SCN11A: variants seen among roughly 807,000 people sequenced by gnomAD.
SCN11A encodes sodium voltage-gated channel alpha subunit 11, also known as sodium channel protein type 11 subunit alpha.
Under a neutral mutation model 162.2 loss-of-function variants are expected in SCN11A, and 122 were observed. That is an observed-to-expected ratio of 0.75 (90% CI 0.65 to 0.87). SCN11A has a LOEUF of 0.87. Ranked by LOEUF, SCN11A falls within the 40% of genes least tolerant of loss-of-function variation. The probability of loss-of-function intolerance (pLI) is 0.00; values close to 1 mark genes in which losing one functional copy is unlikely to be tolerated. For missense variants in SCN11A, 2,015 were observed against 2,181.6 expected (o/e 0.92, Z 1.52); for synonymous variants, 758 against 751.5 (o/e 1.01, Z -0.14).
chr3:38,935,833 A>G (rs1481549410), intron 7 of SCN11A, among the ~76,000 whole-genome samples: 1 of 152,214 alleles, frequency 6.6e-6, no homozygotes, highest in Admixed American at 6.5e-5. Context: ...TATTCCAATC[A>G]ATAGAAAAAG....
intron 2 of SCN11A, among the ~76,000 whole-genome samples, chr3:38,986,470 G>A (rs1434576254): frequency 2.0e-5 from 3 of 152,200 alleles, no homozygotes; most frequent in Non-Finnish European, 4.4e-5. Context: ...CTTACATACT[G>A]AGTGGCCCAC....
At chr3:38,915,202 A>G (rs2065942771) in intron 11 of SCN11A, among the ~76,000 whole-genome samples, 1 of 152,060 alleles carries the variant, frequency 6.6e-6, no homozygotes, top group South Asian at 2.1e-4. Context: ...CAGTCTTGGC[A>G]GGGTGTTTGT....
At chr3:38,903,808 A>G in intron 16 of SCN11A, 57 bp downstream of exon 16, 2 of 1,323,684 alleles carry the variant, frequency 1.5e-6, no homozygotes, top group Non-Finnish European at 1.0e-6. Context: ...AGACTTTGAA[A>G]AAGTTATACT....
At position 38,847,195 on chromosome 3, in the gene SCN11A, T is replaced by C; in HGVS notation, c.4875A>G (p.Ile1625Met). 6.2e-7 allele frequency: 1 copy of C among 1,614,138 alleles called. No individual in the cohort carries two copies. Among genetic ancestry groups the C allele is most frequent in the Non-Finnish European group, 8.5e-7 (1 of 1,179,996 alleles). The stretch of plus-strand genomic sequence containing the variant: ...CAAACTTTTCCCACACTTCATAAAA[T>C]ATGTCAAAGTCATCTTCACCCAAAG... ...EDPLGEDDFD[I>M]FYEVWEKFDP... The change falls in exon 30 of 30, where the codon ATA (isoleucine) becomes ATG (methionine). Residue 1625 changes from isoleucine to methionine, a missense_variant. Ile to Met is a conservative substitution (Grantham distance 10). Transcript: ENST00000302328.
At chr3:39,005,957 C>T (rs930018802) in intron 2 of SCN11A, among the ~76,000 whole-genome samples, 2 of 152,082 alleles carry the variant, frequency 1.3e-5, no homozygotes, top group Non-Finnish European at 2.9e-5. Flanking sequence ...ATTTCTAAAT[C>T]ATTATTTTTA....
chr3:39,034,771 T>C (rs1427104502), intron 1 of SCN11A, among the ~76,000 whole-genome samples: 2 of 152,102 alleles, frequency 1.3e-5, no homozygotes, highest in East Asian at 1.9e-4. Context: ...TTGCAGGATA[T>C]AAAAATCAAC....
At chr3:38,899,800 TA>T in intron 17 of SCN11A, 93 bp downstream of exon 17, 1 of 972,832 alleles carries the variant, frequency 1.0e-6, no homozygotes, top group Non-Finnish European at 1.5e-6. Context: ...TAAGATAAAT[TA>T]AAGTTTAGTA....
In SCN11A at chr3:38,897,279, T is replaced by C. The variant is rs193012754; in HGVS notation, c.2023-54A>G. ...GAAGAAAAGCCAGTTAAGGACAAAC[T>C]CCATCTGCTCATCTATAAAGCAAAT... On this transcript the variant is annotated intron_variant, in intron 17 of 29. Transcript: ENST00000302328. 841 of 1,522,974 alleles carry C rather than the reference T, an allele frequency of 5.5e-4. 2 individuals are homozygous for C. The African/African-American group carries it at 0.01, about 19-fold the overall frequency. The allele number at this position is 1,522,974 out of a possible 1,614,324, so 94.3% of individuals were successfully genotyped here.
intron 2 of SCN11A, among the ~76,000 whole-genome samples, chr3:39,004,596 T>C (rs1318581810): frequency 6.6e-6 from 1 of 152,242 alleles, no homozygotes; most frequent in Non-Finnish European, 1.5e-5. Context: ...GCATTGAATC[T>C]GTAAATTGCT....
chr3:38,966,626 C>A (rs1345260391), intron 2 of SCN11A, among the ~76,000 whole-genome samples: 1 of 152,152 alleles, frequency 6.6e-6, no homozygotes, highest in African/African-American at 2.4e-5. Context: ...ATTCTCTCTT[C>A]TAGCTGCTTT....
In SCN11A at chr3:38,985,541, T is replaced by C. The variant is rs1052674522; in HGVS notation, c.-279-25118A>G. ...AGGTGACCATGGCTTGGGTGTGAGC[T>C]ATGGCAGTGAAGATGGAGAAAGGCA... On this transcript the variant is annotated intron_variant, in intron 2 of 29. Coordinates refer to ENST00000302328, the MANE Select transcript of SCN11A (RefSeq NM_001349253.2). Among the ~76,000 whole-genome samples the C allele has an allele frequency of 2.0e-5, 3 of 150,836 alleles. No individual in the cohort carries two copies. In the South Asian group the frequency reaches 6.2e-4, roughly 31 times the overall value.
chr3:38,956,138 G>A (rs1352771718), intron 3 of SCN11A, among the ~76,000 whole-genome samples: 1 of 152,062 alleles, frequency 6.6e-6, no homozygotes, highest in African/African-American at 2.4e-5. Flanking sequence ...CCAGCTACCT[G>A]GGAGGCTGAG....
chr3:38,979,873 AG>A (rs1442345325), intron 2 of SCN11A, among the ~76,000 whole-genome samples: 1 of 152,232 alleles, frequency 6.6e-6, no homozygotes, highest in Non-Finnish European at 1.5e-5. Context: ...ATTTCCCCAC[AG>A]ATCACATCAA....
At chr3:39,042,129 C>T (rs980168094) in intron 1 of SCN11A, among the ~76,000 whole-genome samples, 7 of 151,908 alleles carry the variant, frequency 4.6e-5, no homozygotes, top group Non-Finnish European at 8.8e-5. Flanking sequence ...ATTATCTGGG[C>T]GTGGTGGTAG....
Position 38,872,203 on chromosome 3 carries a change from T to C in SCN11A, c.3485A>G (p.Glu1162Gly), listed in dbSNP as rs770327954. ...TTCTGCAGAATGTACCTTCATTCCT[T>C]CAAACTGGGACAGCGCACGAAGAGG... is the stretch of plus-strand genomic sequence containing the variant. ...LRPLRALSQFEGMKVVVNALI... is the reference protein window; with the variant it reads ...LRPLRALSQFGGMKVVVNALI... The change falls in exon 24 of 30, where the codon GAA (glutamate) becomes GGA (glycine). Residue 1162 changes from glutamate (E) to glycine (G), a missense_variant. Glu to Gly is a moderately conservative substitution (Grantham distance 98, BLOSUM62 -2). Transcript: ENST00000302328. 107 of 1,590,380 alleles carry C rather than the reference T, an allele frequency of 6.7e-5. No homozygotes were observed. Among genetic ancestry groups the C allele is most frequent in the Non-Finnish European group, 8.6e-5 (100 of 1,158,584 alleles).
chr3:38,977,814 TC>T (rs1445497642), intron 2 of SCN11A, among the ~76,000 whole-genome samples: 2 of 152,168 alleles, frequency 1.3e-5, no homozygotes, highest in Non-Finnish European at 2.9e-5. Flanking sequence ...GATAAGCCAT[TC>T]TTTCAAAGGC....
chr3:38,860,408 C>G (rs907282896), intron 28 of SCN11A, among the ~76,000 whole-genome samples: 1 of 152,002 alleles, frequency 6.6e-6, no homozygotes, highest in Non-Finnish European at 1.5e-5. Context: ...CAGTATCACC[C>G]TAATACCAAA....
intron 23 of SCN11A, among the ~76,000 whole-genome samples, chr3:38,875,663 A>G (rs1339788105): frequency 6.6e-6 from 1 of 152,166 alleles, no homozygotes; most frequent in Non-Finnish European, 1.5e-5. Context: ...AGGAAGTGAA[A>G]GACTTCTACA....
chr3:39,008,575 T>C (rs1002541521), intron 2 of SCN11A, among the ~76,000 whole-genome samples: 1 of 152,174 alleles, frequency 6.6e-6, no homozygotes, highest in Non-Finnish European at 1.5e-5. Context: ...GATTAAATTA[T>C]TAGAACATCC....
Sources: gnomAD v4.1 joint callset for allele counts (sites outside exome capture counted in the v4.1 genomes callset) on GRCh38, gnomAD v4.1.1 for gene constraint, MANE v1.5 for transcripts, NCBI Gene and HGNC (gene_info 2026-07-23, HGNC 2026-07-21) for gene names.